The following MED12L variants were observed in gnomAD, a reference collection of about 807,000 sequenced individuals.
MED12L encodes the protein mediator of RNA polymerase II transcription subunit 12-like protein.
In MED12L, 60 loss-of-function variants were observed where a neutral mutation model predicts 281.3. The observed-to-expected ratio is 0.21, with a 90% CI of 0.17 to 0.26. The LOEUF (loss-of-function observed/expected upper bound fraction) is 0.26. Ranked by LOEUF, MED12L falls within the 10% of genes least tolerant of loss-of-function variation. The probability of loss-of-function intolerance (pLI) is 1.00; values close to 1 mark genes in which losing one functional copy is unlikely to be tolerated. For missense variants in MED12L, 2,146 were observed against 2,680.9 expected, an observed-to-expected ratio of 0.80 and a Z score of 4.41; for synonymous variants, 974 against 987.2, an observed-to-expected ratio of 0.99 and a Z score of 0.25.
chr3:151,224,381 A>G (rs6778222), intron 16 of MED12L, among the ~76,000 whole-genome samples: 47,250 of 151,938 alleles, frequency 0.31, 7,444 homozygotes, highest in Non-Finnish European at 0.33. Flanking sequence ...AATCATTTAT[A>G]CATTTTTAAA....
At chr3:151,247,754 T>C (rs1305327440) in intron 16 of MED12L, among the ~76,000 whole-genome samples, 1 of 128,412 alleles carries the variant, frequency 7.8e-6, no homozygotes, top group Non-Finnish European at 1.7e-5. Flanking sequence ...TAAAACTTAA[T>C]GTATAATAAA....
chr3:151,173,246 G>C (rs1023518826), intron 11 of MED12L, among the ~76,000 whole-genome samples: 2 of 152,112 alleles, frequency 1.3e-5, no homozygotes, highest in South Asian at 2.1e-4. Flanking sequence ...ACCAATGCTA[G>C]AGAGGATGAG....
chr3:151,102,095 C>T (rs943601298), intron 2 of MED12L, among the ~76,000 whole-genome samples: 6 of 152,162 alleles, frequency 3.9e-5, no homozygotes, highest in Non-Finnish European at 5.9e-5. Flanking sequence ...CTCAGACTCC[C>T]ACCCACCCTG....
chr3:151,173,149 T>C (rs915523644), intron 11 of MED12L, among the ~76,000 whole-genome samples: 13 of 152,078 alleles, frequency 8.5e-5, no homozygotes, highest in African/African-American at 3.1e-4. Context: ...TGTCATCTTA[T>C]TTAGTTTTTC....
At chr3:151,249,473 G>A (rs923165971) in intron 16 of MED12L, among the ~76,000 whole-genome samples, 5 of 152,216 alleles carry the variant, frequency 3.3e-5, no homozygotes, top group East Asian at 1.9e-4. Flanking sequence ...TTAACTTGGG[G>A]GTCTTGATTG....
chr3:151,375,995 C>T lies in MED12L; in HGVS notation c.3865-31C>T, dbSNP rs768690149. 1.1e-5 allele frequency: 13 copies of T among 1,195,282 alleles called. No individual in the cohort carries two copies. In the South Asian group the frequency reaches 1.7e-4, roughly 15 times the overall value. 74.0% of individuals were successfully genotyped at this position (1,195,282 alleles called of 1,614,324 possible). On this transcript the variant is annotated intron_variant, in intron 27 of 44. Transcript: ENST00000687756. ...CATATATATATACCGAAAGCCAGTG[C>T]CTGTCAATCTAATTGCCATATTATT...
chr3:151,148,190 A>AT (rs1284289741), intron 5 of MED12L, among the ~76,000 whole-genome samples: 1 of 151,964 alleles, frequency 6.6e-6, no homozygotes, highest in Non-Finnish European at 1.5e-5. Flanking sequence ...TCCTTTGCCT[A>AT]TTTTTTAACT....
chr3:151,220,858 A>G (rs1019601333), intron 16 of MED12L, among the ~76,000 whole-genome samples: 7 of 152,220 alleles, frequency 4.6e-5, no homozygotes, highest in Admixed American at 1.3e-4. Context: ...CTGAAAAGGT[A>G]TCTGAAAATG....
At chr3:151,107,671 A>G (rs1264480654) in intron 2 of MED12L, among the ~76,000 whole-genome samples, 1 of 152,216 alleles carries the variant, frequency 6.6e-6, no homozygotes, top group African/African-American at 2.4e-5. Flanking sequence ...AAGTTAAAAT[A>G]CAAAAATAGA....
At chr3:151,368,455 C>G (rs1021736653) in intron 25 of MED12L, among the ~76,000 whole-genome samples, 1 of 151,934 alleles carries the variant, frequency 6.6e-6, no homozygotes, top group Non-Finnish European at 1.5e-5. Context: ...TTGAGAAATA[C>G]GAATCAAGAG....
chr3:151,368,786 A>G (rs1421381867), intron 25 of MED12L, among the ~76,000 whole-genome samples: 3 of 143,854 alleles, frequency 2.1e-5, no homozygotes, highest in Admixed American at 7.0e-5. Flanking sequence ...TTCCAAGACA[A>G]AGTCTTACTG....
intron 16 of MED12L, among the ~76,000 whole-genome samples, chr3:151,249,726 A>G (rs1178946906): frequency 6.6e-6 from 1 of 152,146 alleles, no homozygotes; most frequent in East Asian, 1.9e-4. Context: ...TGGTTTCACA[A>G]CATTCTGTTT....
chr3:151,384,763 C>G (rs1713033256), intron 35 of MED12L: 1 of 356,140 alleles, frequency 2.8e-6, no homozygotes, highest in East Asian at 6.8e-5. Context: ...TGATCACTAC[C>G]CTGGATTTTT....
chr3:151,104,925 G>T (rs1289977834), intron 2 of MED12L, among the ~76,000 whole-genome samples: 1 of 152,122 alleles, frequency 6.6e-6, no homozygotes, highest in African/African-American at 2.4e-5. Flanking sequence ...CATTAGCTAT[G>T]CCAGATTAGG....
chr3:151,432,308 AG>A (rs1187424437), intron 44 of MED12L, among the ~76,000 whole-genome samples: 2 of 152,248 alleles, frequency 1.3e-5, no homozygotes, highest in African/African-American at 4.8e-5. Context: ...ACTCTTGCAC[AG>A]TTCTGTTGTA....
At chr3:151,353,641 A>T (rs908722442) in intron 17 of MED12L, among the ~76,000 whole-genome samples, 1 of 152,226 alleles carries the variant, frequency 6.6e-6, no homozygotes, top group East Asian at 1.9e-4. Context: ...TTGAAAGAGA[A>T]GTCTCTTTTA....
intron 25 of MED12L, among the ~76,000 whole-genome samples, chr3:151,368,629 T>TTTC (rs1755644009): frequency 9.7e-5 from 9 of 92,902 alleles, no homozygotes; most frequent in Admixed American, 8.2e-4. Context: ...TATTTTATTT[T>TTTC]ATTTCATTTC....
chr3:151,331,486 T>C (rs1219866211), intron 16 of MED12L, among the ~76,000 whole-genome samples: 3 of 152,210 alleles, frequency 2.0e-5, no homozygotes, highest in African/African-American at 7.2e-5. Context: ...GTTAAAAGAA[T>C]AAAATGAGTG....
intron 11 of MED12L, among the ~76,000 whole-genome samples, chr3:151,166,358 C>T (rs1178747170): frequency 1.3e-5 from 2 of 151,954 alleles, no homozygotes; most frequent in Non-Finnish European, 2.9e-5. Context: ...GCATGAATAC[C>T]CGTGGTCATG....
Sources: gnomAD v4.1 joint callset for allele counts (sites outside exome capture counted in the v4.1 genomes callset) on GRCh38, gnomAD v4.1.1 for gene constraint, MANE v1.5 for transcripts, NCBI Gene and HGNC (gene_info 2026-07-23, HGNC 2026-07-21) for gene names.